Variants in SCAPER observed in about 807,000 individuals in gnomAD.
SCAPER encodes the protein S phase cyclin A-associated protein in the endoplasmic reticulum.
SCAPER carries 98 observed loss-of-function variants against 182.2 expected under a neutral mutation model. The ratio of observed to expected loss-of-function variants is 0.54; its 90% CI spans 0.46 to 0.64. SCAPER has a LOEUF of 0.64. Among genes scored for constraint, SCAPER ranks in the 30% least tolerant of loss-of-function variants. SCAPER has a pLI of 0.00. For synonymous variants in SCAPER, 605 were observed against 564.6 expected, an observed-to-expected ratio of 1.07 and a Z score of -1.01; for missense variants, 1,432 against 1,690.0, an observed-to-expected ratio of 0.85 and a Z score of 2.68.
chr15:76,729,656 C>T (rs1028807584), intron 16 of SCAPER, among the ~76,000 whole-genome samples: 1 of 152,098 alleles, frequency 6.6e-6, no homozygotes, highest in African/African-American at 2.4e-5. Context: ...TACTTAGTTA[C>T]ATTCTCTGTG....
At chr15:76,535,995 A>C (rs2044128050) in intron 23 of SCAPER, among the ~76,000 whole-genome samples, 1 of 152,212 alleles carries the variant, frequency 6.6e-6, no homozygotes, top group Non-Finnish European at 1.5e-5. Flanking sequence ...GTTTTCTTCC[A>C]GTAATTTGTA....
At chr15:76,479,213 T>C (rs985066929) in intron 24 of SCAPER, among the ~76,000 whole-genome samples, 2 of 152,182 alleles carry the variant, frequency 1.3e-5, no homozygotes, top group Admixed American at 6.5e-5. Flanking sequence ...AGGAAAAACT[T>C]GTCCTTTCAG....
chr15:76,621,797 T>C lies in SCAPER; in HGVS notation c.2678A>G (p.Lys893Arg), dbSNP rs1281698421. Residue 893 changes from lysine to arginine, a missense_variant, in exon 22 of 32, where the codon AAA becomes AGA. Lys to Arg is a conservative substitution (Grantham distance 26). Around this residue, in one of 5 missense-constraint regions of SCAPER, gnomAD observed 718 missense variants for 799.7 expected, o/e 0.90. Coordinates refer to ENST00000563290, the MANE Select transcript of SCAPER (RefSeq NM_020843.4). ...ATAAGGTGAATCAGAGCCAGAATTT[T>C]TGGTTTCCATTAAACTCTCATATTC... The part of the protein sequence containing the change: ...AKEYESLMET[K>R]NSGSDSPYKA... The C allele has an allele frequency of 6.2e-7, 1 of 1,607,968 alleles. No individual in the cohort carries two copies. Among genetic ancestry groups the C allele is most frequent in the Admixed American group, 1.7e-5 (1 of 59,244 alleles).
intron 17 of SCAPER, among the ~76,000 whole-genome samples, chr15:76,717,142 GAAAA>G (rs34439573): frequency 7.9e-6 from 1 of 126,278 alleles, no homozygotes. Flanking sequence ...TGATGAAAGG[GAAAA>G]AAAAAAAAAA....
chr15:76,858,482 AGGTACAGG>A (rs1402733201), intron 3 of SCAPER, among the ~76,000 whole-genome samples: 1 of 151,856 alleles, frequency 6.6e-6, no homozygotes, highest in African/African-American at 2.4e-5. Context: ...CTTTTATTTT[AGGTACAGG>A]GGTACATGTG....
chr15:76,792,735 A>G (rs2065079617), intron 8 of SCAPER, among the ~76,000 whole-genome samples: 2 of 152,226 alleles, frequency 1.3e-5, no homozygotes, highest in African/African-American at 4.8e-5. Context: ...CAAGCCTTCA[A>G]TCATGTGATG....
rs185220919 is a variant in SCAPER, at chr15:76,658,250, G to C, written c.2645+7403C>G. The stretch of plus-strand genomic sequence containing the variant: ...ATAAAATCAATGTACAAAAATCAGT[G>C]GCATTTCTACACACCAACATCCAAG... On this transcript the variant is annotated intron_variant, in intron 21 of 31. Transcript: ENST00000563290. Among the ~76,000 whole-genome samples, 23 of 152,048 alleles carry C rather than the reference G, an allele frequency of 1.5e-4. No individual in the cohort carries two copies. The East Asian group carries it at 4.4e-3, about 29-fold the overall frequency.
intron 15 of SCAPER, among the ~76,000 whole-genome samples, chr15:76,753,600 A>G (rs1041201331): frequency 6.6e-6 from 1 of 152,002 alleles, no homozygotes; most frequent in Admixed American, 6.6e-5. Flanking sequence ...TTATACCTTT[A>G]CAGGGTTGTA....
chr15:76,901,428 CA>C (rs2074771847), intron 1 of SCAPER, among the ~76,000 whole-genome samples: 1 of 152,120 alleles, frequency 6.6e-6, no homozygotes, highest in Non-Finnish European at 1.5e-5. Context: ...GTATTAAAAG[CA>C]GGCCTAATGC....
chr15:76,875,949 G>A (rs1045666887), intron 2 of SCAPER, among the ~76,000 whole-genome samples: 11 of 152,192 alleles, frequency 7.2e-5, no homozygotes, highest in East Asian at 1.9e-4. Flanking sequence ...CAGGCATGGC[G>A]GGCTGCAGGT....
intron 3 of SCAPER, among the ~76,000 whole-genome samples, chr15:76,858,585 T>C (rs2071600976): frequency 6.6e-6 from 1 of 152,150 alleles, no homozygotes; most frequent in Admixed American, 6.6e-5. Context: ...CATAAGTAAC[T>C]GATAGGTAGT....
chr15:76,520,063 C>T (rs2042724024), intron 23 of SCAPER, among the ~76,000 whole-genome samples: 1 of 152,144 alleles, frequency 6.6e-6, no homozygotes, highest in Non-Finnish European at 1.5e-5. Context: ...CATGTTACTT[C>T]CTCAAAGGGG....
At chr15:76,360,941 T>C (rs912225123) in intron 29 of SCAPER, among the ~76,000 whole-genome samples, 2 of 151,992 alleles carry the variant, frequency 1.3e-5, no homozygotes, top group Non-Finnish European at 2.9e-5. Flanking sequence ...CTTGCAAAAC[T>C]GGTCTTATAT....
chr15:76,664,935 T>A (rs1233666769), intron 21 of SCAPER, among the ~76,000 whole-genome samples: 1 of 152,164 alleles, frequency 6.6e-6, no homozygotes, highest in Admixed American at 6.5e-5. Flanking sequence ...CGTTCTATAT[T>A]CCTATAATCC....
chr15:76,725,067 C>A (rs1002061217), intron 17 of SCAPER, among the ~76,000 whole-genome samples: 1 of 152,036 alleles, frequency 6.6e-6, no homozygotes, highest in African/African-American at 2.4e-5. Context: ...CGGTCATCTT[C>A]TCTCCACCCC....
At chr15:76,761,053 C>T (rs2062753854) in intron 14 of SCAPER, among the ~76,000 whole-genome samples, 1 of 151,980 alleles carries the variant, frequency 6.6e-6, no homozygotes, top group Non-Finnish European at 1.5e-5. Flanking sequence ...TCTGTTTAGG[C>T]TCTTTATTTC....
chr15:76,771,468 TA>T (rs1243350491), intron 10 of SCAPER, among the ~76,000 whole-genome samples: 3 of 152,110 alleles, frequency 2.0e-5, no homozygotes, highest in Non-Finnish European at 4.4e-5. Flanking sequence ...TTTAGATTCT[TA>T]ATTCTGGGCT....
intron 20 of SCAPER, among the ~76,000 whole-genome samples, chr15:76,700,049 G>C (rs567724163): frequency 6.6e-6 from 1 of 152,148 alleles, no homozygotes. Flanking sequence ...TAGGAGCTAC[G>C]GTGGCAGCCA....
At chr15:76,512,028 A>G (rs1454792154) in intron 23 of SCAPER, among the ~76,000 whole-genome samples, 1 of 151,112 alleles carries the variant, frequency 6.6e-6, no homozygotes, top group African/African-American at 2.4e-5. Flanking sequence ...GATTACAGGC[A>G]CCTGACAACA....
Sources: gnomAD v4.1 joint callset for allele counts (sites outside exome capture counted in the v4.1 genomes callset) on GRCh38, gnomAD v4.1.1 for gene constraint, gnomAD v4.1.1 regional missense constraint, MANE v1.5 for transcripts, NCBI Gene and HGNC (gene_info 2026-07-23, HGNC 2026-07-21) for gene names.